The following DAGLB variants were observed in gnomAD, a reference collection of about 807,000 sequenced individuals.
DAGLB encodes diacylglycerol lipase beta.
DAGLB carries 66 observed loss-of-function variants against 72.1 expected under a neutral mutation model. The observed-to-expected ratio is 0.92, with a 90% CI of 0.75 to 1.12. The LOEUF is 1.12. Among genes scored for constraint, DAGLB ranks in the 50% most tolerant of loss-of-function variants. The pLI is 0.00. For synonymous variants in DAGLB, 414 were observed against 359.5 expected, an observed-to-expected ratio of 1.15 and a Z score of -1.71; for missense variants, 1,065 against 884.9, an observed-to-expected ratio of 1.20 and a Z score of -2.58.
At chr7:6,419,425 G>A (rs1784034541) in intron 9 of DAGLB, among the ~76,000 whole-genome samples, 1 of 152,196 alleles carries the variant, frequency 6.6e-6, no homozygotes, top group Non-Finnish European at 1.5e-5. Flanking sequence ...GAGCCCAGCA[G>A]GACGTGGACT....
intron 2 of DAGLB, among the ~76,000 whole-genome samples, chr7:6,441,478 C>T (rs1274459267): frequency 2.7e-5 from 4 of 148,206 alleles, no homozygotes; most frequent in South Asian, 2.1e-4. Context: ...AGTGCAATGG[C>T]GCGATCTCGG....
Position 6,447,546 on chromosome 7 carries a change from C to A in DAGLB, c.95+202G>T, listed in dbSNP as rs114045968. 7.4e-3 allele frequency among the ~76,000 whole-genome samples: 1,133 copies of A among 152,296 alleles called. 13 individuals carry two copies. Among genetic ancestry groups the A allele is most frequent in the African/African-American group, 0.026 (1,083 of 41,566 alleles). ...GGGGTCAGCCCACACACTCTGGGGG[C>A]TTCGGTTTGTCATCCGTCAAATGGA... On this transcript the variant is annotated intron_variant, in intron 1 of 14. Transcript: ENST00000297056.
At position 6,410,887 on chromosome 7, in the gene DAGLB, T is replaced by G. The variant is rs1172082007; in HGVS notation, c.1570-507A>C. Among the ~76,000 whole-genome samples, 12 of 143,820 alleles carry G rather than the reference T, an allele frequency of 8.3e-5. No individual in the cohort carries two copies. The South Asian group carries it at 1.1e-3, about 14-fold the overall frequency. 94.4% of individuals were successfully genotyped at this position (143,820 alleles called of 152,430 possible). On this transcript the variant is annotated intron_variant, in intron 13 of 14. Transcript: ENST00000297056. Reference sequence around the variant, plus strand: ...GCCCGGCTAATTTTTTGTATTTTTTTTTTTTTTTTTTTTTTGAGACGGAGT... The same window carrying G: ...GCCCGGCTAATTTTTTGTATTTTTTGTTTTTTTTTTTTTTTGAGACGGAGT...
intron 4 of DAGLB, among the ~76,000 whole-genome samples, 170 bp from the exon 5 acceptor site, chr7:6,433,129 C>G (rs1370630980): frequency 2.6e-5 from 4 of 152,216 alleles, no homozygotes; most frequent in Non-Finnish European, 5.9e-5. Flanking sequence ...TCTATGTGAC[C>G]TGAATATGTT....
chr7:6,444,905 C>G (rs1045760840), intron 2 of DAGLB, among the ~76,000 whole-genome samples: 9 of 152,040 alleles, frequency 5.9e-5, no homozygotes, highest in East Asian at 1.9e-4. Flanking sequence ...GACTCCGTCT[C>G]AAAAAAACAA....
intron 3 of DAGLB, among the ~76,000 whole-genome samples, chr7:6,435,839 C>T (rs1469519099): frequency 6.6e-6 from 1 of 152,180 alleles, no homozygotes; most frequent in Non-Finnish European, 1.5e-5. Context: ...AGAAACGCAG[C>T]AACAGCCCAG....
At position 6,426,178 on chromosome 7, in the gene DAGLB, C is replaced by G. The variant is rs148847473; in HGVS notation, c.930-64G>C. The G allele has an allele frequency of 1.4e-4, 219 of 1,601,484 alleles. 1 individual carries two copies. The African/African-American group carries it at 2.5e-3, about 18-fold the overall frequency. On this transcript the variant is annotated intron_variant, in intron 6 of 14. Transcript: ENST00000297056. ...CCACTTGGCAAGGAACGTCCATCCT[C>G]ACTGCCACATGTTCCCAGAGACGCG...
At chr7:6,443,818 G>T (rs945303889) in intron 2 of DAGLB, among the ~76,000 whole-genome samples, 3 of 152,100 alleles carry the variant, frequency 2.0e-5, no homozygotes, top group Admixed American at 6.6e-5. Context: ...TCTGACCAAT[G>T]AATCATTTCT....
intron 6 of DAGLB, among the ~76,000 whole-genome samples, chr7:6,426,809 G>A (rs550912630): frequency 1.8e-4 from 27 of 152,216 alleles, no homozygotes; most frequent in South Asian, 1.0e-3. Context: ...TGTGCTCTAC[G>A]TTTAAAAAAC....
chr7:6,416,951 T>C (rs369753431), intron 9 of DAGLB, 30 bp from the exon 10 acceptor site: 1 of 1,612,720 alleles, frequency 6.2e-7, no homozygotes, highest in Non-Finnish European at 8.5e-7. Context: ...AGGTGGCCGT[T>C]AATCCTCAGA....
intron 11 of DAGLB, 25 bp downstream of exon 11, chr7:6,416,602 T>C: frequency 6.4e-7 from 1 of 1,573,760 alleles, no homozygotes; most frequent in South Asian, 1.2e-5. Flanking sequence ...TAGCAAGCTG[T>C]TAGAGCAGGA....
At chr7:6,410,639 TA>T (rs1783691116) in intron 13 of DAGLB, among the ~76,000 whole-genome samples, 1 of 152,192 alleles carries the variant, frequency 6.6e-6, no homozygotes, top group Non-Finnish European at 1.5e-5. Flanking sequence ...GGAGCAATAT[TA>T]AAAACTAAGC....
intron 9 of DAGLB, among the ~76,000 whole-genome samples, chr7:6,419,318 T>C (rs1409302347): frequency 1.3e-5 from 2 of 152,070 alleles, no homozygotes; most frequent in Non-Finnish European, 2.9e-5. Flanking sequence ...CTTAACAAAT[T>C]ACCAGATGCC....
At chr7:6,442,296 A>G (rs2115297330) in intron 2 of DAGLB, among the ~76,000 whole-genome samples, 1 of 152,302 alleles carries the variant, frequency 6.6e-6, no homozygotes, top group African/African-American at 2.4e-5. Context: ...CAACCCACAG[A>G]TGACTTCTGA....
At chr7:6,425,836 A>T in intron 7 of DAGLB, 152 bp downstream of exon 7, 1 of 1,312,784 alleles carries the variant, frequency 7.6e-7, no homozygotes, top group Non-Finnish European at 1.0e-6. Flanking sequence ...GCTCCCCCAG[A>T]GTCTGTGGCC....
At chr7:6,435,172 G>A in intron 3 of DAGLB, 152 bp from the exon 4 acceptor site, 2 of 1,162,916 alleles carry the variant, frequency 1.7e-6, no homozygotes, top group East Asian at 5.0e-5. Context: ...ACCTGCCTGA[G>A]GCAAGCAACT....
At chr7:6,424,401 A>G (rs1192070963) in intron 8 of DAGLB, among the ~76,000 whole-genome samples, 1 of 152,064 alleles carries the variant, frequency 6.6e-6, no homozygotes, top group East Asian at 1.9e-4. Flanking sequence ...CACTGCCGCC[A>G]TCTGGCTCTG....
intron 13 of DAGLB, among the ~76,000 whole-genome samples, chr7:6,411,505 T>C (rs895528409): frequency 2.0e-5 from 3 of 152,164 alleles, no homozygotes; most frequent in South Asian, 4.1e-4. Context: ...GCCTGTAGTG[T>C]AGCCCCAGCT....
In DAGLB at chr7:6,416,671, C is replaced by A; in HGVS notation, c.1383G>T (p.Pro461=). 2 of 1,613,546 alleles carry A rather than the reference C, an allele frequency of 1.2e-6. No individual in the cohort carries two copies. Among genetic ancestry groups the A allele is most frequent in the Middle Eastern group, 1.7e-4 (1 of 6,048 alleles). The change falls in exon 11 of 15, where the codon CCG becomes CCT. Residue 461 remains proline, a synonymous_variant. Transcript: ENST00000297056. The stretch of plus-strand genomic sequence containing the variant: ...GGGAGAAGGCGTAGCACCTGACCTG[C>A]GGGTAGGCGGCTCTGAGCATGGTGG... ...LLATMLRAAY[P]QVRCYAFSPP...
Sources: allele counts gnomAD v4.1 joint callset (sites outside exome capture counted in the v4.1 genomes callset), GRCh38; gene constraint gnomAD v4.1.1; transcripts MANE v1.5; gene names NCBI Gene and HGNC (gene_info 2026-07-23, HGNC 2026-07-21).